The following ANKRD28 variants were observed in gnomAD, a reference collection of about 807,000 sequenced individuals.
ANKRD28 encodes ankyrin repeat domain 28.
In ANKRD28, 44 loss-of-function variants were observed where a neutral mutation model predicts 126.5. That is an observed-to-expected ratio of 0.35 (90% CI 0.27 to 0.45). The LOEUF is 0.45. ANKRD28 is among the 20% of genes least tolerant of loss of function. The pLI is 1.00. For missense variants in ANKRD28, 1,110 were observed against 1,316.6 expected (o/e 0.84, Z 2.43); for synonymous variants, 442 against 468.5 (o/e 0.94, Z 0.73).
chr3:15,779,048 A>C (rs527287385), intron 2 of ANKRD28, among the ~76,000 whole-genome samples: 1 of 152,306 alleles, frequency 6.6e-6, no homozygotes, highest in East Asian at 1.9e-4. Context: ...ACTGTGAGTC[A>C]ATTAAACCTC....
At chr3:15,728,378 C>T (rs1001042975) in intron 6 of ANKRD28, among the ~76,000 whole-genome samples, 19 of 152,172 alleles carry the variant, frequency 1.2e-4, no homozygotes, top group Non-Finnish European at 2.5e-4. Flanking sequence ...ACTGTAACCT[C>T]AAACTCCTAG....
At chr3:15,824,567 T>C (rs1015687665) in intron 1 of ANKRD28, among the ~76,000 whole-genome samples, 2 of 151,974 alleles carry the variant, frequency 1.3e-5, no homozygotes, top group African/African-American at 4.8e-5. Flanking sequence ...CAATGAACAA[T>C]CCAAAAATAA....
intron 6 of ANKRD28, among the ~76,000 whole-genome samples, chr3:15,729,619 G>A (rs1415781668): frequency 2.6e-5 from 4 of 152,118 alleles, no homozygotes; most frequent in Non-Finnish European, 5.9e-5. Context: ...TGCTCGTGAT[G>A]TCATTTTAAA....
chr3:15,819,825 G>A (rs1366268325), intron 1 of ANKRD28, among the ~76,000 whole-genome samples: 1 of 152,204 alleles, frequency 6.6e-6, no homozygotes, highest in Non-Finnish European at 1.5e-5. Flanking sequence ...GAAATCATTA[G>A]GGGTGGAGCC....
chr3:15,790,319 C>A (rs1269511487), intron 2 of ANKRD28, among the ~76,000 whole-genome samples: 1 of 151,956 alleles, frequency 6.6e-6, no homozygotes, highest in African/African-American at 2.4e-5. Flanking sequence ...GATACCAAAA[C>A]CAGACAAAGA....
At chr3:15,766,891 G>T (rs190749170) in intron 2 of ANKRD28, among the ~76,000 whole-genome samples, 2 of 152,024 alleles carry the variant, frequency 1.3e-5, no homozygotes, top group Admixed American at 1.3e-4. Context: ...TAATTTTTTC[G>T]TCAGTATATT....
chr3:15,791,114 A>T (rs1458645549), intron 2 of ANKRD28, among the ~76,000 whole-genome samples: 1 of 152,184 alleles, frequency 6.6e-6, no homozygotes, highest in Non-Finnish European at 1.5e-5. Flanking sequence ...ACACGAATGA[A>T]GAAAATTGAA....
Position 15,846,551 on chromosome 3 carries a change from G to A in ANKRD28, c.27+12826C>T, listed in dbSNP as rs112221938. 4.6e-5 allele frequency among the ~76,000 whole-genome samples: 7 copies of A among 152,290 alleles called. No individual in the cohort carries two copies. The highest frequency in any genetic ancestry group is 1.7e-4 in the African/African-American group (7 of 41,564). On this transcript the variant is annotated intron_variant, in intron 1 of 27. Transcript: ENST00000399451. This position sits in a 1 kb window ranked among gnomAD's most constrained non-coding sequence, Gnocchi z 5.4. ...ATAAACGAGTTAAAAAATACAAACA[G>A]TATAAACCAAGGGCAACAGTTCCTA...
chr3:15,768,374 G>C (rs1199267629), intron 2 of ANKRD28, among the ~76,000 whole-genome samples: 1 of 152,172 alleles, frequency 6.6e-6, no homozygotes, highest in Non-Finnish European at 1.5e-5. Context: ...TGTAGTATGT[G>C]ATGTTATTAT....
Position 15,741,948 on chromosome 3 carries a change from G to A in ANKRD28, c.352-4715C>T, listed in dbSNP as rs537771446. Among the ~76,000 whole-genome samples, 344 of 151,922 alleles carry A rather than the reference G, an allele frequency of 2.3e-3. 2 individuals carry two copies. Among genetic ancestry groups the A allele is most frequent in the Middle Eastern group, 0.01 (3 of 294 alleles). ...GAGACGGGGTTTCGCTGTGTTGGCC[G>A]GGCTGGTCTCCAGCTCCTAACTGCG... is the stretch of plus-strand genomic sequence containing the variant. On this transcript the variant is annotated intron_variant, in intron 4 of 27. Transcript: ENST00000683139.
At chr3:15,700,830 A>G (rs60431470) in intron 14 of ANKRD28, among the ~76,000 whole-genome samples, 2,586 of 152,210 alleles carry the variant, frequency 0.017, 71 homozygotes, top group African/African-American at 0.059. Flanking sequence ...TTACAGCAGA[A>G]AAAAAAAGCA....
At chr3:15,708,175 G>A (rs2071723223) in intron 13 of ANKRD28, 111 bp from the exon 14 acceptor site, 1 of 1,228,582 alleles carries the variant, frequency 8.1e-7, no homozygotes, top group African/African-American at 1.5e-5. Flanking sequence ...TTTACAGTGA[G>A]ACTTAGACTA....
At chr3:15,842,397 A>C (rs9845091) in intron 1 of ANKRD28, among the ~76,000 whole-genome samples, 6,162 of 151,916 alleles carry the variant, frequency 0.041, 410 homozygotes, top group African/African-American at 0.14. Flanking sequence ...ATGGTTGGGA[A>C]GACCATCCTC....
intron 17 of ANKRD28, among the ~76,000 whole-genome samples, chr3:15,691,562 G>A (rs183700127): frequency 6.6e-6 from 1 of 152,176 alleles, no homozygotes; most frequent in Non-Finnish European, 1.5e-5. Context: ...AAACTTCAAA[G>A]GACTATAATG....
intron 15 of ANKRD28, among the ~76,000 whole-genome samples, chr3:15,695,439 AT>A (rs1279195676): frequency 6.6e-6 from 1 of 152,118 alleles, no homozygotes; most frequent in Admixed American, 6.5e-5. Flanking sequence ...GAAAATAGTT[AT>A]TTTTGTAGCA....
rs80184162 is a variant in ANKRD28, at chr3:15,692,814, A to G, written c.1761+1925T>C. Among the ~76,000 whole-genome samples, 665 of 152,380 alleles carry G rather than the reference A, an allele frequency of 4.4e-3. 8 individuals are homozygous for G. The highest frequency in any genetic ancestry group is 0.023 in the East Asian group (121 of 5,194). ...TTTAAAAACACTATTTAGTATACCT[A>G]TGGCATAGCAGCACTTATTCATAAT... is the stretch of plus-strand genomic sequence containing the variant. On this transcript the variant is annotated intron_variant, in intron 17 of 27. Coordinates refer to ENST00000683139, the MANE Select transcript of ANKRD28 (RefSeq NM_001349278.2).
intron 1 of ANKRD28, among the ~76,000 whole-genome samples, chr3:15,808,154 C>T (rs1199528500): frequency 5.3e-5 from 8 of 152,220 alleles, no homozygotes; most frequent in Non-Finnish European, 1.2e-4. Context: ...TCTTCCCACA[C>T]ACCAGACACC....
chr3:15,730,831 G>A (rs2074537249), intron 6 of ANKRD28, among the ~76,000 whole-genome samples: 1 of 152,202 alleles, frequency 6.6e-6, no homozygotes, highest in Non-Finnish European at 1.5e-5. Flanking sequence ...TTCATATGTT[G>A]GAAGTGTAAT....
In ANKRD28 at chr3:15,675,968, T is replaced by C. The variant is rs1318419425; in HGVS notation, c.2895A>G (p.Arg965=). ...CCTGAACCACCATTGTTAGCCCATT[T>C]CGGGCAGCAACATGCAGAGGTCTAG... ...ALQTPLHVAA[R]NGLTMVVQEL... Residue 965 remains arginine, a synonymous_variant, in exon 27 of 28, where the codon CGA becomes CGG. Coordinates refer to ENST00000683139, the MANE Select transcript of ANKRD28 (RefSeq NM_001349278.2). 1.9e-6 allele frequency: 3 copies of C among 1,613,066 alleles called. No individual in the cohort carries two copies. The highest frequency in any genetic ancestry group is 2.5e-6 in the Non-Finnish European group (3 of 1,179,300).
Sources: allele counts gnomAD v4.1 joint callset (sites outside exome capture counted in the v4.1 genomes callset), GRCh38; gene constraint gnomAD v4.1.1; non-coding constraint Gnocchi (gnomAD v3.1); transcripts MANE v1.5; gene names NCBI Gene and HGNC (gene_info 2026-07-23, HGNC 2026-07-21).